GPC5: variants seen among roughly 807,000 people sequenced by gnomAD.
The protein encoded by GPC5 is glypican-5.
GPC5 carries 47 observed loss-of-function variants against 53.9 expected under a neutral mutation model. That is an observed-to-expected ratio of 0.87 (90% CI 0.69 to 1.11). GPC5 has a LOEUF of 1.11. Ranked by LOEUF, GPC5 falls within the 50% of genes most tolerant of loss-of-function variation. The pLI, the probability that GPC5 is intolerant of heterozygous loss-of-function variation, is 0.00. For synonymous variants in GPC5, 286 were observed against 263.3 expected, an observed-to-expected ratio of 1.09 and a Z score of -0.84; for missense variants, 748 against 713.1, an observed-to-expected ratio of 1.05 and a Z score of -0.56.
intron 7 of GPC5, among the ~76,000 whole-genome samples, chr13:92,384,749 G>A (rs1216826812): frequency 1.3e-5 from 2 of 152,108 alleles, no homozygotes; most frequent in African/African-American, 4.8e-5. Flanking sequence ...TAGAGAGAGA[G>A]CAGCATTTTC....
At chr13:91,923,129 A>G (rs985009495) in intron 6 of GPC5, among the ~76,000 whole-genome samples, 3 of 152,196 alleles carry the variant, frequency 2.0e-5, no homozygotes, top group Admixed American at 1.3e-4. Flanking sequence ...CAATCAATCA[A>G]TCAATCTCTC....
chr13:91,584,870 T>C (rs989638549), intron 2 of GPC5, among the ~76,000 whole-genome samples: 2 of 152,190 alleles, frequency 1.3e-5, no homozygotes, highest in Admixed American at 6.5e-5. Context: ...TGAGCCACTG[T>C]GCCAGGCCCA....
At chr13:92,144,807 G>A (rs2138983780) in intron 6 of GPC5, 23 bp from the exon 7 acceptor site, 2 of 1,598,992 alleles carry the variant, frequency 1.3e-6, no homozygotes, top group East Asian at 4.6e-5. Flanking sequence ...TATTAGTAAA[G>A]GCCTTTCTTT....
chr13:91,882,369 GCC>G, intron 5 of GPC5, among the ~76,000 whole-genome samples: 1 of 151,862 alleles, frequency 6.6e-6, no homozygotes, highest in Non-Finnish European at 1.5e-5. Context: ...ACTTTAATAA[GCC>G]ATAACAGAGA....
At chr13:91,993,910 C>T (rs75896650) in intron 6 of GPC5, among the ~76,000 whole-genome samples, 5,852 of 152,102 alleles carry the variant, frequency 0.038, 159 homozygotes, top group Middle Eastern at 0.061. Flanking sequence ...TGATACAGTA[C>T]GAAGTCCAAG....
chr13:92,137,581 C>T (rs753692364), intron 6 of GPC5, among the ~76,000 whole-genome samples: 1 of 152,168 alleles, frequency 6.6e-6, no homozygotes, highest in Non-Finnish European at 1.5e-5. Context: ...AAATAATACT[C>T]ACAAAACCTT....
At chr13:91,523,768 A>G (rs957576893) in intron 2 of GPC5, among the ~76,000 whole-genome samples, 2 of 152,234 alleles carry the variant, frequency 1.3e-5, no homozygotes, top group Non-Finnish European at 2.9e-5. Context: ...TGATGGATAC[A>G]TTAATTAGCT....
chr13:91,729,994 G>C (rs1276758228), intron 4 of GPC5, among the ~76,000 whole-genome samples: 1 of 152,132 alleles, frequency 6.6e-6, no homozygotes, highest in African/African-American at 2.4e-5. Flanking sequence ...CCACTGAATA[G>C]ACCTTCTTGT....
chr13:92,249,860 A>G (rs778986584), intron 7 of GPC5, among the ~76,000 whole-genome samples: 18 of 152,064 alleles, frequency 1.2e-4, no homozygotes, highest in Non-Finnish European at 2.9e-5. Flanking sequence ...TGCATAGTGT[A>G]AGTGTTATCC....
chr13:91,876,598 G>A (rs1166654917), intron 5 of GPC5, among the ~76,000 whole-genome samples: 2 of 152,316 alleles, frequency 1.3e-5, no homozygotes, highest in Admixed American at 1.3e-4. Context: ...TTTCTAAGCA[G>A]CAAAGCATTC....
intron 7 of GPC5, among the ~76,000 whole-genome samples, chr13:92,756,021 C>T (rs531727077): frequency 2.2e-3 from 329 of 152,098 alleles, no homozygotes; most frequent in African/African-American, 7.4e-3. Context: ...GGCAGAGACA[C>T]AACCAAAAAA....
At chr13:91,628,039 AT>A (rs2034053727) in intron 2 of GPC5, among the ~76,000 whole-genome samples, 1 of 152,078 alleles carries the variant, frequency 6.6e-6, no homozygotes, top group South Asian at 2.1e-4. Flanking sequence ...AATAAAATCA[AT>A]TTTGTGTGTT....
At chr13:92,104,164 G>A (rs944907515) in intron 6 of GPC5, among the ~76,000 whole-genome samples, 4 of 152,112 alleles carry the variant, frequency 2.6e-5, no homozygotes, top group Non-Finnish European at 5.9e-5. Context: ...TGGAGCTTTT[G>A]GGAGGCTCCA....
At chr13:92,618,734 A>G (rs1884779571) in intron 7 of GPC5, among the ~76,000 whole-genome samples, 1 of 151,060 alleles carries the variant, frequency 6.6e-6, no homozygotes, top group Non-Finnish European at 1.5e-5. Flanking sequence ...TTTAATATTC[A>G]TGCCCTAATG....
intron 7 of GPC5, among the ~76,000 whole-genome samples, chr13:92,790,824 C>T (rs1023902112): frequency 7.2e-5 from 11 of 152,008 alleles, no homozygotes; most frequent in African/African-American, 2.7e-4. Flanking sequence ...TGATTTGATT[C>T]TCCCTATGTG....
At chr13:92,615,445 T>G (rs1264964632) in intron 7 of GPC5, among the ~76,000 whole-genome samples, 1 of 152,178 alleles carries the variant, frequency 6.6e-6, no homozygotes, top group Non-Finnish European at 1.5e-5. Context: ...GCAGGATTAC[T>G]GGGAGGGAAC....
intron 6 of GPC5, among the ~76,000 whole-genome samples, chr13:92,012,557 T>G (rs1257661231): frequency 2.0e-5 from 3 of 152,190 alleles, no homozygotes; most frequent in African/African-American, 7.2e-5. Context: ...TACCACTTAA[T>G]TGAAGTAAAT....
chr13:91,972,723 T>A (rs1000774701), intron 6 of GPC5, among the ~76,000 whole-genome samples: 54 of 152,184 alleles, frequency 3.5e-4, no homozygotes, highest in Non-Finnish European at 7.2e-4. Flanking sequence ...CCTTCACTTG[T>A]TAAGCTTAGT....
At chr13:91,515,160 G>A (rs1157330789) in intron 2 of GPC5, among the ~76,000 whole-genome samples, 2 of 152,122 alleles carry the variant, frequency 1.3e-5, no homozygotes, top group African/African-American at 4.8e-5. Context: ...ATGCATAATT[G>A]AGACTTCTTA....
Sources: gnomAD v4.1 joint callset for allele counts (sites outside exome capture counted in the v4.1 genomes callset) on GRCh38, gnomAD v4.1.1 for gene constraint, MANE v1.5 for transcripts, NCBI Gene and HGNC (gene_info 2026-07-23, HGNC 2026-07-21) for gene names.